CDKN3: variants seen among roughly 807,000 people sequenced by gnomAD.
CDKN3 encodes cyclin-dependent kinase inhibitor 3.
CDKN3 carries 19 observed loss-of-function variants against 36.1 expected under a neutral mutation model. The observed-to-expected ratio is 0.53, with a 90% confidence interval of 0.37 to 0.77. The LOEUF is 0.77. CDKN3 is among the 30% of genes least tolerant of loss of function. The pLI, the probability that CDKN3 is intolerant of heterozygous loss-of-function variation, is 0.00. For missense variants in CDKN3, 188 were observed against 248.6 expected (o/e 0.76, Z 1.64); for synonymous variants, 71 against 85.3 (o/e 0.83, Z 0.92).
rs552732190 is a variant in CDKN3, at chr14:54,402,884, C to T, written c.148+1305C>T. ...TAGATGTATGGTGTTATTTCTGAGG[C>T]CTCTGTTCTGTTCCATTGGTCTATA... On this transcript the variant is annotated intron_variant, in intron 3 of 7. Transcript: ENST00000335183. Among the ~76,000 whole-genome samples, 5 of 152,202 alleles carry T rather than the reference C, an allele frequency of 3.3e-5. No individual in the cohort carries two copies. In the South Asian group the frequency reaches 1.0e-3, roughly 32 times the overall value.
intron 6 of CDKN3, 116 bp from the exon 7 acceptor site, chr14:54,417,732 C>T (rs1046012708): frequency 1.9e-6 from 1 of 538,080 alleles, no homozygotes; most frequent in Non-Finnish European, 3.3e-6. Flanking sequence ...TCTTTTAATT[C>T]ATTTGGAACA....
rs574236941 is a variant in CDKN3 at position 54,419,100 on chromosome 14, G to A, written c.553-892G>A. The stretch of plus-strand genomic sequence containing the variant: ...TTGAACCTGGGAGGCAGAGGTTGCA[G>A]TGAACCGAGATCACACCACTGCACT... On this transcript the variant is annotated intron_variant, in intron 7 of 7. Transcript: ENST00000335183. Among the ~76,000 whole-genome samples, 22 of 151,558 alleles carry A rather than the reference G, an allele frequency of 1.5e-4. No homozygotes were observed. The East Asian group carries it at 4.3e-3, about 29-fold the overall frequency.
chr14:54,401,604 C>A, intron 3 of CDKN3, 25 bp downstream of exon 3: 3 of 1,476,282 alleles, frequency 2.0e-6, no homozygotes, highest in Non-Finnish European at 2.8e-6. Flanking sequence ...AATGGGCTTC[C>A]TATCAATATG....
chr14:54,419,676 A>C (rs555543124), intron 7 of CDKN3, among the ~76,000 whole-genome samples: 2 of 152,332 alleles, frequency 1.3e-5, no homozygotes, highest in African/African-American at 4.8e-5. Context: ...GTTAGCAAAA[A>C]TAATGCCATT....
Position 54,415,926 on chromosome 14 carries a change from T to C in CDKN3, c.444T>C (p.Cys148=), listed in dbSNP as rs1204593406. The part of the protein sequence containing the change: ...IHCYGGLGRS[C]LVAACLLLYL... ...GCTATGGAGGACTTGGGAGATCTTG[T>C]CTTGGTAAGAAATATATTTCTATTA... The change falls in exon 6 of 8, where the codon TGT becomes TGC. Residue 148 remains cysteine, a synonymous_variant. Coordinates refer to ENST00000335183, the MANE Select transcript of CDKN3 (RefSeq NM_005192.4). The C allele has an allele frequency of 6.3e-7, 1 of 1,598,098 alleles. No homozygotes were observed. The highest frequency in any genetic ancestry group is 8.6e-7 in the Non-Finnish European group (1 of 1,165,580).
At chr14:54,418,177 A>G (rs767085722) in intron 7 of CDKN3, 196 of 703,262 alleles carry the variant, frequency 2.8e-4, no homozygotes, top group Admixed American at 4.8e-4. Context: ...TTCAAACAAG[A>G]TAATGAAAAT....
chr14:54,415,816 T>C (rs2030518053), intron 5 of CDKN3, 83 bp from the exon 6 acceptor site: 5 of 970,244 alleles, frequency 5.2e-6, no homozygotes, highest in Middle Eastern at 4.2e-4. Context: ...GAGTTGTAAA[T>C]AGAAGGCAGA....
rs549919455 is a variant in CDKN3 at position 54,414,014 on chromosome 14, A to C, written c.417-1885A>C. The C allele has an allele frequency of 4.9e-4, 104 of 214,046 alleles. No homozygotes were observed. The Middle Eastern group carries it at 8.3e-3, about 17-fold the overall frequency. 13.3% of individuals were successfully genotyped at this position (214,046 alleles called of 1,614,324 possible). On this transcript the variant is annotated intron_variant, in intron 5 of 7. Coordinates refer to ENST00000335183, the MANE Select transcript of CDKN3 (RefSeq NM_005192.4). ...AGCTTCTGGTGGTGGCCATCAATCC[A>C]TGGCAGGCCTTGGCTTGCAGCTGAA...
chr14:54,397,158 G>A (rs1025271541), intron 1 of CDKN3, 81 bp downstream of exon 1: 2 of 1,379,516 alleles, frequency 1.4e-6, no homozygotes, highest in Admixed American at 3.2e-5. Context: ...TGGGCCGGAG[G>A]GCAGCCCTAG....
At chr14:54,408,576 AATTAT>A (rs772987456) in intron 3 of CDKN3, 164 bp from the exon 4 acceptor site, 46 of 781,640 alleles carry the variant, frequency 5.9e-5, no homozygotes, top group Admixed American at 2.7e-4. Flanking sequence ...GAATCCCTGT[AATTAT>A]ATTCCTAGAA....
At chr14:54,398,987 C>CTTTTTTTTTTTTTTTTTT (rs113342693) in intron 1 of CDKN3, among the ~76,000 whole-genome samples, 1 of 109,276 alleles carries the variant, frequency 9.2e-6, no homozygotes, top group African/African-American at 3.5e-5. Context: ...TTTCTTCTTC[C>CTTTTTTTTTTTTTTTTTT]TTTTTTTTTT....
At chr14:54,406,378 G>A (rs1178992231) in intron 3 of CDKN3, among the ~76,000 whole-genome samples, 1 of 152,060 alleles carries the variant, frequency 6.6e-6, no homozygotes, top group African/African-American at 2.4e-5. Context: ...GAATTTGAAT[G>A]TTGGCCTGTC....
intron 3 of CDKN3, 151 bp downstream of exon 3, chr14:54,401,730 G>A (rs975371370): frequency 3.5e-6 from 2 of 579,178 alleles, no homozygotes; most frequent in African/African-American, 3.8e-5. Flanking sequence ...CCCATCACCA[G>A]AGCAGTATAC....
chr14:54,416,536 C>T (rs975550879), intron 6 of CDKN3, among the ~76,000 whole-genome samples: 8 of 152,112 alleles, frequency 5.3e-5, no homozygotes, highest in Non-Finnish European at 1.0e-4. Context: ...AAAGATAGGC[C>T]GGGCGTCGTG....
chr14:54,400,247 T>C (rs1286780680), intron 2 of CDKN3, among the ~76,000 whole-genome samples: 3 of 29,240 alleles, frequency 1.0e-4, no homozygotes, highest in Admixed American at 3.4e-4. Flanking sequence ...TATAAGACCC[T>C]TTTTTTTTTT....
intron 1 of CDKN3, among the ~76,000 whole-genome samples, chr14:54,398,425 G>C (rs1217853499): frequency 6.6e-6 from 1 of 152,162 alleles, no homozygotes; most frequent in Non-Finnish European, 1.5e-5. Flanking sequence ...GCCTGCAGAA[G>C]GTGCTTTCTG....
At chr14:54,401,272 C>A (rs1322788394) in intron 2 of CDKN3, among the ~76,000 whole-genome samples, 3 of 152,114 alleles carry the variant, frequency 2.0e-5, no homozygotes, top group African/African-American at 7.2e-5. Context: ...GCCACTGCAC[C>A]CAGCCTAACT....
rs190580450 is a variant in CDKN3, at chr14:54,412,745, G to A, written c.416+1039G>A. 2.1e-3 allele frequency: 803 copies of A among 389,970 alleles called. 12 individuals carry two copies. Among genetic ancestry groups the A allele is most frequent in the South Asian group, 7.2e-3 (396 of 55,000 alleles). The allele number at this position is 389,970 out of a possible 1,614,324, so 24.2% of individuals were successfully genotyped here. The stretch of plus-strand genomic sequence containing the variant: ...CTCTGCCGGAAGTGAAACACACAAA[G>A]CAACAGAGAGCCAGCCATGGGGAGG... On this transcript the variant is annotated intron_variant, in intron 5 of 7. Coordinates refer to ENST00000335183, the MANE Select transcript of CDKN3 (RefSeq NM_005192.4).
chr14:54,411,341 T>C, intron 4 of CDKN3, 143 bp from the exon 5 acceptor site: 1 of 633,506 alleles, frequency 1.6e-6, no homozygotes, highest in Non-Finnish European at 2.7e-6. Flanking sequence ...TTCAGACATA[T>C]CAATAGGCAC....
Sources: allele counts gnomAD v4.1 joint callset (sites outside exome capture counted in the v4.1 genomes callset), GRCh38; gene constraint gnomAD v4.1.1; transcripts MANE v1.5; gene names NCBI Gene and HGNC (gene_info 2026-07-23, HGNC 2026-07-21).